ONECUT1: variants seen among roughly 807,000 people sequenced by gnomAD.
The protein encoded by ONECUT1 is one cut homeobox 1.
In ONECUT1, 12 loss-of-function variants were observed where a neutral mutation model predicts 25.6. The ratio of observed to expected loss-of-function variants is 0.47; its 90% CI spans 0.30 to 0.76. ONECUT1 has a LOEUF of 0.76. Ranked by LOEUF, ONECUT1 falls within the 30% of genes least tolerant of loss-of-function variation. The probability of loss-of-function intolerance (pLI) is 0.07; values close to 1 mark genes in which losing one functional copy is unlikely to be tolerated. For missense variants in ONECUT1, 620 were observed against 651.2 expected (o/e 0.95, Z 0.52); for synonymous variants, 285 against 270.2 (o/e 1.05, Z -0.54).
At position 52,757,463 on chromosome 15, in the gene ONECUT1, A is replaced by G. The variant is rs559910926; in HGVS notation, c.*92T>C. On this transcript the variant is annotated 3_prime_UTR_variant, in exon 2 of 2. Transcript: ENST00000305901. ...GCTTTTTTTTCTTCAAATATTTCTA[A>G]GTATAAACCTGCTATCTTGAGGTCC... is the stretch of plus-strand genomic sequence containing the variant. 1 of 1,319,858 alleles carries G rather than the reference A, an allele frequency of 7.6e-7. No homozygotes were observed. The highest frequency in any genetic ancestry group is 1.5e-5 in the South Asian group (1 of 65,992). 81.8% of individuals were successfully genotyped at this position (1,319,858 alleles called of 1,614,324 possible).
intron 1 of ONECUT1, among the ~76,000 whole-genome samples, chr15:52,766,846 C>G (rs184976716): frequency 6.6e-6 from 1 of 152,206 alleles, no homozygotes; most frequent in Non-Finnish European, 1.5e-5. Context: ...AGGACAGAAT[C>G]CTGCCATCCC....
chr15:52,771,568 ATTC>A (rs2083767857), intron 1 of ONECUT1, among the ~76,000 whole-genome samples: 1 of 149,748 alleles, frequency 6.7e-6, no homozygotes, highest in African/African-American at 2.5e-5. Flanking sequence ...TGTTGTTTGC[ATTC>A]TTATTTATAT....
Position 52,784,039 on chromosome 15 carries a change from G to T in ONECUT1, c.1105+4741C>A. Among the ~76,000 whole-genome samples, 2 of 152,192 alleles carry T rather than the reference G, an allele frequency of 1.3e-5. 1 individual carries two copies. The highest frequency in any genetic ancestry group is 3.9e-4 in the East Asian group (2 of 5,192). ...AGCAAGCATCCCTTTCTTCGCTGCCGCGGGCTGAACCACGGACGCTCGCGG... is the reference window on the plus strand; with the variant it reads ...AGCAAGCATCCCTTTCTTCGCTGCCTCGGGCTGAACCACGGACGCTCGCGG... On this transcript the variant is annotated intron_variant, in intron 1 of 1. Coordinates refer to ENST00000305901, the MANE Select transcript of ONECUT1 (RefSeq NM_004498.4). This position sits in a 1 kb window ranked among gnomAD's most constrained non-coding sequence, Gnocchi z 5.0.
In ONECUT1 at chr15:52,786,302, G is replaced by A. The variant is rs541227073; in HGVS notation, c.1105+2478C>T. On this transcript the variant is annotated intron_variant, in intron 1 of 1. Coordinates refer to ENST00000305901, the MANE Select transcript of ONECUT1 (RefSeq NM_004498.4). ...GTGAAGAGACTGTTCCTGGTTCCTTGCAGGAGACCCTCCTGGACCAACACA... is the reference window on the plus strand; with the variant it reads ...GTGAAGAGACTGTTCCTGGTTCCTTACAGGAGACCCTCCTGGACCAACACA... Among the ~76,000 whole-genome samples the A allele has an allele frequency of 2.6e-5, 4 of 152,346 alleles. No individual in the cohort carries two copies. In the South Asian group the frequency reaches 8.3e-4, roughly 32 times the overall value.
Position 52,789,869 on chromosome 15 carries a change from T to G in ONECUT1, c.16A>C (p.Thr6Pro), listed in dbSNP as rs537873728. ...TGCAGCTCGCCGATCGCTTCCATGG[T>G]CAGCTGCGCGTTCATCGTGATCCGG... MNAQL[T>P]MEAIGELHGV... The change falls in exon 1 of 2, where the codon ACC becomes CCC. Residue 6 changes from threonine to proline, a missense_variant. Transcript: ENST00000305901. This position sits in a 1 kb window ranked among gnomAD's most constrained non-coding sequence, Gnocchi z 4.1. 9.7e-6 allele frequency: 15 copies of G among 1,541,396 alleles called. No homozygotes were observed. The East Asian group carries it at 2.1e-4, about 22-fold the overall frequency.
chr15:52,777,325 C>G (rs969137455), intron 1 of ONECUT1, among the ~76,000 whole-genome samples: 1 of 151,976 alleles, frequency 6.6e-6, no homozygotes, highest in Non-Finnish European at 1.5e-5. Flanking sequence ...TTAGAATCAC[C>G]GGGGAAACTT....
intron 1 of ONECUT1, among the ~76,000 whole-genome samples, chr15:52,783,634 G>A (rs1006782268): frequency 1.3e-5 from 2 of 152,194 alleles, no homozygotes; most frequent in African/African-American, 4.8e-5. Context: ...ACTCCGGTCA[G>A]TTTGCAGGAA....
chr15:52,773,629 A>G (rs1326575792), intron 1 of ONECUT1, among the ~76,000 whole-genome samples: 1 of 152,188 alleles, frequency 6.6e-6, no homozygotes, highest in Admixed American at 6.5e-5. Flanking sequence ...ACCAGGGCTC[A>G]TCAAAGAAGT....
intron 1 of ONECUT1, among the ~76,000 whole-genome samples, chr15:52,764,550 A>G (rs544086370): frequency 1.5e-4 from 23 of 152,290 alleles, no homozygotes; most frequent in South Asian, 2.1e-4. Context: ...TTATCCACTC[A>G]TATGTGGCTT....
chr15:52,757,726 A>T lies in ONECUT1; in HGVS notation c.1227T>A (p.Arg409=). ...TLHAIFKENK[R]PSKELQITIS... is the part of the protein sequence containing the mutation. Reference sequence around the variant, plus strand: ...TGGTGATTTGCAATTCTTTGGATGGACGCTTATTTTCCTTGAATATTGCAT... The same window carrying T: ...TGGTGATTTGCAATTCTTTGGATGGTCGCTTATTTTCCTTGAATATTGCAT... The change falls in exon 2 of 2, where the codon CGT becomes CGA. Residue 409 remains arginine, a synonymous_variant. Coordinates refer to ENST00000305901, the MANE Select transcript of ONECUT1 (RefSeq NM_004498.4). 6.2e-7 allele frequency: 1 copy of T among 1,614,140 alleles called. No homozygotes were observed. Among genetic ancestry groups the T allele is most frequent in the East Asian group, 2.2e-5 (1 of 44,882 alleles).
intron 1 of ONECUT1, among the ~76,000 whole-genome samples, chr15:52,787,345 C>T (rs996926835): frequency 2.0e-5 from 3 of 152,074 alleles, no homozygotes; most frequent in Non-Finnish European, 4.4e-5. Flanking sequence ...CCAAAGAACG[C>T]TTTGGGTCGC....
chr15:52,759,550 A>G (rs962923254), intron 1 of ONECUT1, among the ~76,000 whole-genome samples: 7 of 152,250 alleles, frequency 4.6e-5, no homozygotes, highest in African/African-American at 1.7e-4. Flanking sequence ...TATAAATCAT[A>G]TACATGTGTT....
intron 1 of ONECUT1, chr15:52,787,226 T>C (rs2083881807): frequency 6.6e-6 from 1 of 152,230 alleles, no homozygotes; most frequent in African/African-American, 2.4e-5. Context: ...GGAACCTGCA[T>C]GAGGACTTTG....
At chr15:52,759,523 C>T (rs1224889396) in intron 1 of ONECUT1, among the ~76,000 whole-genome samples, 1 of 152,300 alleles carries the variant, frequency 6.6e-6, no homozygotes, top group African/African-American at 2.4e-5. Flanking sequence ...AGTGTATATT[C>T]CCTTATATTA....
At position 52,757,510 on chromosome 15, in the gene ONECUT1, T is replaced by C. The variant is rs748759186; in HGVS notation, c.*45A>G. 6.4e-7 allele frequency: 1 copy of C among 1,550,400 alleles called. No individual in the cohort carries two copies. Among genetic ancestry groups the C allele is most frequent in the Non-Finnish European group, 8.7e-7 (1 of 1,153,836 alleles). The stretch of plus-strand genomic sequence containing the variant: ...GTCCTGGTCTTTTAAAAATTTTTTT[T>C]AATTTAAAGCTTTTCCACCGAGGTT... On this transcript the variant is annotated 3_prime_UTR_variant, in exon 2 of 2. Coordinates refer to ENST00000305901, the MANE Select transcript of ONECUT1 (RefSeq NM_004498.4).
chr15:52,786,513 C>A (rs747997730), intron 1 of ONECUT1, among the ~76,000 whole-genome samples: 15 of 152,256 alleles, frequency 9.9e-5, no homozygotes, highest in Admixed American at 7.8e-4. Context: ...GGGCCGAGGG[C>A]TGCATGGACC....
intron 1 of ONECUT1, among the ~76,000 whole-genome samples, chr15:52,776,580 T>C (rs557742126): frequency 1.2e-4 from 18 of 152,332 alleles, no homozygotes; most frequent in Admixed American, 5.2e-4. Flanking sequence ...CCACAACAGG[T>C]CACAACTTCC....
chr15:52,760,283 G>A lies in ONECUT1; in HGVS notation c.1106-2436C>T, dbSNP rs146082891. Among the ~76,000 whole-genome samples, 748 of 152,180 alleles carry A rather than the reference G, an allele frequency of 4.9e-3. 21 individuals carry two copies. In the South Asian group the frequency reaches 0.064, roughly 13 times the overall value. On this transcript the variant is annotated intron_variant, in intron 1 of 1. Transcript: ENST00000305901. The stretch of plus-strand genomic sequence containing the variant: ...CCAAATAGAGTTCTTCCTCCCAGAG[G>A]CCTACAGCCCTCACCGGGCACCTAG...
intron 1 of ONECUT1, among the ~76,000 whole-genome samples, chr15:52,765,896 C>A (rs1370778049): frequency 6.6e-6 from 1 of 152,224 alleles, no homozygotes; most frequent in Non-Finnish European, 1.5e-5. Context: ...CGAGTGAGCT[C>A]TAATTGATAC....
Sources: gnomAD v4.1 joint callset for allele counts (sites outside exome capture counted in the v4.1 genomes callset) on GRCh38, gnomAD v4.1.1 for gene constraint, Gnocchi (gnomAD v3.1) non-coding constraint, MANE v1.5 for transcripts, NCBI Gene and HGNC (gene_info 2026-07-23, HGNC 2026-07-21) for gene names.